AGA: variants seen among roughly 807,000 people sequenced by gnomAD.
AGA encodes the protein aspartylglucosaminidase.
In AGA, 31 loss-of-function variants were observed where a neutral mutation model predicts 40.1. The ratio of observed to expected loss-of-function variants is 0.77; its 90% confidence interval spans 0.58 to 1.04. The LOEUF is 1.04. AGA is among the 50% of genes least tolerant of loss of function. The probability of loss-of-function intolerance (pLI) is 0.00; values close to 1 mark genes in which losing one functional copy is unlikely to be tolerated. For synonymous variants in AGA, 148 were observed against 144.0 expected (o/e 1.03, Z -0.20); for missense variants, 445 against 435.4 (o/e 1.02, Z -0.20).
At chr4:177,437,170 CAAAT>C in intron 5 of AGA, 2 of 483,396 alleles carry the variant, frequency 4.1e-6, no homozygotes, top group South Asian at 2.4e-5. Flanking sequence ...AATGAAATGT[CAAAT>C]AAAGATTTAA....
At chr4:177,439,768 AAT>A in intron 2 of AGA, 80 bp from the exon 3 acceptor site, 1 of 1,086,314 alleles carries the variant, frequency 9.2e-7, no homozygotes. Flanking sequence ...TTCTCCAATC[AAT>A]AGTGTTTTGC....
chr4:177,440,164 G>A (rs1736949347), intron 2 of AGA, 109 bp downstream of exon 2: 3 of 1,298,986 alleles, frequency 2.3e-6, no homozygotes, highest in Admixed American at 1.7e-5. Context: ...TAATAAGCTA[G>A]GGGTTTTGAT....
rs2111006710 is a variant in AGA at position 177,433,205 on chromosome 4, A to G, written c.940+9T>C. On this transcript the variant is annotated intron_variant, in intron 8 of 8. Transcript: ENST00000264595. ...GTTCACACAAATACAAAATCCAAACACAACTTACCGTAACTTCCAGTCACA... is the reference window on the plus strand; with the variant it reads ...GTTCACACAAATACAAAATCCAAACGCAACTTACCGTAACTTCCAGTCACA... The G allele has an allele frequency of 6.2e-7, 1 of 1,614,088 alleles. No homozygotes were observed. Among genetic ancestry groups the G allele is most frequent in the Non-Finnish European group, 8.5e-7 (1 of 1,179,978 alleles).
At chr4:177,433,106 T>C (rs1736679842) in intron 8 of AGA, 108 bp downstream of exon 8, 1 of 1,482,456 alleles carries the variant, frequency 6.7e-7, no homozygotes, top group Non-Finnish European at 9.4e-7. Context: ...ACTTAAGGAG[T>C]CTCTTTTTCT....
intron 7 of AGA, 99 bp from the exon 8 acceptor site, chr4:177,433,446 ATG>A: frequency 7.3e-7 from 1 of 1,361,582 alleles, no homozygotes; most frequent in Admixed American, 1.7e-5. Context: ...AAATTGCCAC[ATG>A]TGATAGAATA....
chr4:177,437,753 T>C (rs1178766653), intron 4 of AGA, among the ~76,000 whole-genome samples: 1 of 152,196 alleles, frequency 6.6e-6, no homozygotes, highest in East Asian at 1.9e-4. Context: ...GAGGTATCTA[T>C]ATTGCATGAC....
intron 5 of AGA, 147 bp from the exon 6 acceptor site, chr4:177,436,498 G>A: frequency 2.8e-6 from 2 of 718,318 alleles, no homozygotes; most frequent in Non-Finnish European, 4.9e-6. Context: ...ACAAGGTGAT[G>A]GTATCAAGAG....
At chr4:177,440,710 T>C (rs1006082837) in intron 1 of AGA, among the ~76,000 whole-genome samples, 1 of 151,812 alleles carries the variant, frequency 6.6e-6, no homozygotes, top group Non-Finnish European at 1.5e-5. Context: ...ACGAAATCAG[T>C]ATCCCCTCCT....
At chr4:177,440,464 TA>T (rs768772316) in intron 1 of AGA, 38 bp from the exon 2 acceptor site, 16 of 1,599,702 alleles carry the variant, frequency 1.0e-5, no homozygotes, top group East Asian at 6.7e-5. Context: ...TTTATATATA[TA>T]TTTTTTTTTC....
At chr4:177,440,599 TTAAC>T (rs1258885714) in intron 1 of AGA, among the ~76,000 whole-genome samples, 173 bp from the exon 2 acceptor site, 1 of 152,070 alleles carries the variant, frequency 6.6e-6, no homozygotes, top group Non-Finnish European at 1.5e-5. Context: ...TCAAAATTAT[TTAAC>T]TAGTTATCAG....
chr4:177,440,975 C>T (rs935444881), intron 1 of AGA, among the ~76,000 whole-genome samples: 12 of 152,112 alleles, frequency 7.9e-5, no homozygotes, highest in African/African-American at 2.9e-4. Context: ...AATCACGACC[C>T]TCATTTTAAA....
In AGA at chr4:177,433,340, C is replaced by G. The variant is rs1736689884; in HGVS notation, c.814G>C (p.Ala272Pro). 1 of 1,613,926 alleles carries G rather than the reference C, an allele frequency of 6.2e-7. No homozygotes were observed. The highest frequency in any genetic ancestry group is 1.1e-5 in the South Asian group (1 of 91,088). ...ILMRFLPSYQ[A>P]VEYMRRGEDP... ...TCTCCTCTTCTCATGTATTCTACAG[C>G]TTGGTAGCTGATTGAAACAGAGGTG... Residue 272 changes from alanine to proline, a missense_variant, in exon 8 of 9, where the codon GCT (alanine) becomes CCT (proline). Coordinates refer to ENST00000264595, the MANE Select transcript of AGA (RefSeq NM_000027.4).
chr4:177,440,354 T>G lies in AGA; in HGVS notation c.200A>C (p.Glu67Ala). 1.2e-6 allele frequency: 2 copies of G among 1,614,030 alleles called. No individual in the cohort carries two copies. The highest frequency in any genetic ancestry group is 1.7e-6 in the Non-Finnish European group (2 of 1,180,002). ...AAAGCCTACAGAGCCGTCACACTGC[T>G]CTCTCTCACACATGGCACAGCCGCT... is the stretch of plus-strand genomic sequence containing the variant. ...VESGCAMCEREQCDGSVGFGG... is the reference protein window; with the variant it reads ...VESGCAMCERAQCDGSVGFGG... Residue 67 changes from glutamate (E) to alanine (A), a missense_variant, in exon 2 of 9, where the codon GAG becomes GCG. Transcript: ENST00000264595.
chr4:177,439,192 C>T (rs890035317), intron 3 of AGA, among the ~76,000 whole-genome samples: 2 of 152,036 alleles, frequency 1.3e-5, no homozygotes, highest in Admixed American at 1.3e-4. Flanking sequence ...ACCATCCTGG[C>T]CAACATGGTG....
At chr4:177,437,361 T>G in intron 5 of AGA, 44 bp downstream of exon 5, 2 of 1,322,884 alleles carry the variant, frequency 1.5e-6, no homozygotes, top group Non-Finnish European at 2.2e-6. Context: ...AGGAAGATAA[T>G]TAACTAAACT....
At chr4:177,433,614 G>A (rs1049721650) in intron 7 of AGA, among the ~76,000 whole-genome samples, 2 of 152,150 alleles carry the variant, frequency 1.3e-5, no homozygotes, top group African/African-American at 2.4e-5. Flanking sequence ...TAATGATACC[G>A]ACAGTCAAAT....
rs1736934357 is a variant in AGA, at chr4:177,439,691, G to C, written c.282-3C>G. ...CTGCTCCTACATCCATAGTAGTGCT[G>C]CAAGAAAATAGAATGCAGTTAGGAA... On this transcript the variant is annotated splice_polypyrimidine_tract_variant and splice_region_variant and intron_variant, in intron 2 of 8. Transcript: ENST00000264595. 1 of 1,591,714 alleles carries C rather than the reference G, an allele frequency of 6.3e-7. No individual in the cohort carries two copies.
intron 3 of AGA, among the ~76,000 whole-genome samples, chr4:177,439,063 A>T (rs575273988): frequency 6.6e-5 from 10 of 152,268 alleles, no homozygotes; most frequent in African/African-American, 2.2e-4. Flanking sequence ...AGATCCACTT[A>T]AAACCTTTGG....
At chr4:177,435,374 T>A (rs1299055121) in intron 6 of AGA, among the ~76,000 whole-genome samples, 1 of 152,236 alleles carries the variant, frequency 6.6e-6, no homozygotes, top group Non-Finnish European at 1.5e-5. Context: ...TAAAATTAAT[T>A]TTTTAAAAGA....
Sources: gnomAD v4.1 joint callset for allele counts (sites outside exome capture counted in the v4.1 genomes callset) on GRCh38, gnomAD v4.1.1 for gene constraint, MANE v1.5 for transcripts, NCBI Gene and HGNC (gene_info 2026-07-23, HGNC 2026-07-21) for gene names.